COL5A2: variants seen among roughly 807,000 people sequenced by gnomAD.
The protein encoded by COL5A2 is collagen type V alpha 2 chain, also known as collagen alpha-2(V) chain.
Under a neutral mutation model 208.2 loss-of-function variants are expected in COL5A2, and 23 were observed. The ratio of observed to expected loss-of-function variants is 0.11; its 90% CI spans 0.08 to 0.16. The LOEUF is 0.16. Ranked by LOEUF, COL5A2 falls within the 10% of genes least tolerant of loss-of-function variation. The pLI, the probability that COL5A2 is intolerant of heterozygous loss-of-function variation, is 1.00. For missense variants in COL5A2, 1,590 were observed against 1,956.4 expected, an observed-to-expected ratio of 0.81 and a Z score of 3.53; for synonymous variants, 625 against 628.5, an observed-to-expected ratio of 0.99 and a Z score of 0.08.
the COL5A2 span, among the ~76,000 whole-genome samples, chr2:189,279,888 T>C: frequency 6.6e-6 from 1 of 152,160 alleles, no homozygotes; most frequent in Non-Finnish European, 1.5e-5. Context: ...AATTCAAATG[T>C]TGACATCTAA....
At chr2:189,420,128 G>A in the COL5A2 span, among the ~76,000 whole-genome samples, 4 of 151,994 alleles carry the variant, frequency 2.6e-5, no homozygotes, top group South Asian at 6.2e-4. Context: ...AAAATTACCA[G>A]TACCTTTAAA....
At chr2:189,184,006 G>A (rs1363897822), upstream of COL5A2, among the ~76,000 whole-genome samples, 3 of 152,122 alleles carry the variant, frequency 2.0e-5, no homozygotes, top group African/African-American at 7.2e-5. Flanking sequence ...AGGTTCTAAT[G>A]AAGGCACTAA....
chr2:189,387,142 G>A, the COL5A2 span, among the ~76,000 whole-genome samples: 104 of 151,986 alleles, frequency 6.8e-4, no homozygotes, highest in Admixed American at 5.4e-3. Context: ...TCATAAAAAA[G>A]AATGAAATCA....
At chr2:189,044,144 A>G (rs1334478112) in intron 47 of COL5A2, among the ~76,000 whole-genome samples, 1 of 152,218 alleles carries the variant, frequency 6.6e-6, no homozygotes, top group South Asian at 2.1e-4. Context: ...TTCCCAAAAG[A>G]TAACTGAATC....
Position 189,068,269 on chromosome 2 carries a change from C to A in COL5A2, c.1259G>T (p.Gly420Val), listed in dbSNP as rs1397330670. 1.9e-6 allele frequency: 3 copies of A among 1,611,374 alleles called. No homozygotes were observed. The highest frequency in any genetic ancestry group is 1.7e-6 in the Non-Finnish European group (2 of 1,177,900). ...AGGAGTACCATCAGTTCCTATTGCA[C>A]CCTAAAAGGTACATTAAAAGTATGT... ...PGPVGSPGLP[G>V]AIGTDGTPGA... is the part of the protein sequence containing the mutation. The change falls in exon 20 of 54, where the codon GGT (glycine) becomes GTT (valine). Residue 420 changes from glycine to valine, a missense_variant and splice_region_variant. Physicochemically the swap from Gly to Val is moderately radical, Grantham distance 109. Coordinates refer to ENST00000374866, the MANE Select transcript of COL5A2 (RefSeq NM_000393.5).
chr2:189,209,940 A>C (rs1404071916), intron 1 of COL5A2, among the ~76,000 whole-genome samples: 1 of 152,212 alleles, frequency 6.6e-6, no homozygotes, highest in Non-Finnish European at 1.5e-5. Flanking sequence ...CAGAGCCCTG[A>C]GAATAAAGAG....
At chr2:189,149,039 C>G (rs1363001761) in intron 1 of COL5A2, among the ~76,000 whole-genome samples, 2 of 152,142 alleles carry the variant, frequency 1.3e-5, no homozygotes, top group South Asian at 4.1e-4. Context: ...ACTGGGGAGG[C>G]TGAGGCAGGA....
chr2:189,108,638 C>T (rs1687198160), intron 2 of COL5A2, among the ~76,000 whole-genome samples: 1 of 151,842 alleles, frequency 6.6e-6, no homozygotes, highest in African/African-American at 2.4e-5. Flanking sequence ...TCAATATTGA[C>T]ATTAAAGTTT....
At chr2:189,222,454 T>C (rs924052733) in intron 1 of COL5A2, among the ~76,000 whole-genome samples, 4 of 152,204 alleles carry the variant, frequency 2.6e-5, no homozygotes, top group African/African-American at 9.6e-5. Flanking sequence ...ATTTTCATAA[T>C]ATATTCTCCA....
At chr2:189,311,313 C>T in the COL5A2 span, 1 of 1,170,598 alleles carries the variant, frequency 8.5e-7, no homozygotes. Flanking sequence ...TGGCCATCCA[C>T]TATCTGGCAG....
chr2:189,305,421 G>C, the COL5A2 span, among the ~76,000 whole-genome samples: 2 of 152,172 alleles, frequency 1.3e-5, no homozygotes, highest in Non-Finnish European at 2.9e-5. Context: ...CCTTATAAAA[G>C]AGACTTCACA....
the COL5A2 span, among the ~76,000 whole-genome samples, chr2:189,370,134 T>A: frequency 2.0e-5 from 3 of 152,206 alleles, no homozygotes; most frequent in African/African-American, 7.2e-5. Context: ...ATCTCATCTC[T>A]ACCTCTAATT....
At chr2:189,323,548 T>A in the COL5A2 span, among the ~76,000 whole-genome samples, 1 of 152,084 alleles carries the variant, frequency 6.6e-6, no homozygotes. Context: ...GAGAGCCAAA[T>A]CATGAGTGAA....
chr2:189,095,517 C>A (rs1686889684), intron 6 of COL5A2, among the ~76,000 whole-genome samples: 1 of 151,816 alleles, frequency 6.6e-6, no homozygotes, highest in Non-Finnish European at 1.5e-5. Context: ...CACACACAAA[C>A]ACACACACAC....
At chr2:189,196,267 A>C (rs908437395) in intron 1 of COL5A2, among the ~76,000 whole-genome samples, 4 of 151,658 alleles carry the variant, frequency 2.6e-5, no homozygotes, top group Admixed American at 2.6e-4. Flanking sequence ...CTGATAAGAA[A>C]TTTCATGTAA....
intron 41 of COL5A2, 57 bp from the exon 42 acceptor site, chr2:189,051,538 G>A: frequency 6.6e-7 from 1 of 1,516,184 alleles, no homozygotes; most frequent in Non-Finnish European, 8.9e-7. Flanking sequence ...AAGTAAGAGT[G>A]ATTGACATAA....
intron 31 of COL5A2, among the ~76,000 whole-genome samples, chr2:189,059,201 T>C (rs1282855107): frequency 1.3e-5 from 2 of 152,126 alleles, no homozygotes; most frequent in African/African-American, 4.8e-5. Flanking sequence ...AAATACATGC[T>C]AAATGTCTTT....
chr2:189,363,058 A>C, the COL5A2 span, among the ~76,000 whole-genome samples: 21 of 152,126 alleles, frequency 1.4e-4, no homozygotes, highest in African/African-American at 4.6e-4. Context: ...CATACTAAAA[A>C]ATGTAAATAG....
At chr2:189,425,856 C>A in the COL5A2 span, among the ~76,000 whole-genome samples, 1 of 152,228 alleles carries the variant, frequency 6.6e-6, no homozygotes, top group South Asian at 2.1e-4. Context: ...CCTCACTCCC[C>A]CTTTGCCTTC....
Sources: allele counts gnomAD v4.1 joint callset (sites outside exome capture counted in the v4.1 genomes callset), GRCh38; gene constraint gnomAD v4.1.1; transcripts MANE v1.5; gene names NCBI Gene and HGNC (gene_info 2026-07-23, HGNC 2026-07-21).